NUDT7: variants seen among roughly 807,000 people sequenced by gnomAD.
The protein encoded by NUDT7 is nudix hydrolase 7, also known as peroxisomal coenzyme A diphosphatase NUDT7.
Under a neutral mutation model 13.1 loss-of-function variants are expected in NUDT7, and 19 were observed. The ratio of observed to expected loss-of-function variants is 1.45; its 90% CI spans 1.01 to 2.13. NUDT7 has a LOEUF of 2.13. Ranked by LOEUF, NUDT7 falls within the 30% of genes most tolerant of loss-of-function variation. The pLI is 0.00. For synonymous variants in NUDT7, 132 were observed against 109.7 expected (o/e 1.20, Z -1.27); for missense variants, 360 against 291.7 (o/e 1.23, Z -1.71).
chr16:77,740,833 C>T (rs138613256), intron 3 of NUDT7, among the ~76,000 whole-genome samples: 2 of 152,308 alleles, frequency 1.3e-5, no homozygotes, highest in African/African-American at 4.8e-5. Context: ...CAGGCGTGAG[C>T]CACCACACCC....
chr16:77,724,011 C>T (rs1427960641), intron 1 of NUDT7, among the ~76,000 whole-genome samples: 1 of 152,184 alleles, frequency 6.6e-6, no homozygotes, highest in African/African-American at 2.4e-5. Flanking sequence ...GCTGCCATAA[C>T]AGAGTACCAC....
intron 2 of NUDT7, among the ~76,000 whole-genome samples, chr16:77,730,626 C>T (rs1015715517): frequency 2.6e-5 from 4 of 152,070 alleles, no homozygotes; most frequent in Non-Finnish European, 5.9e-5. Flanking sequence ...GATATATAAC[C>T]AGTAGTGGGA....
At chr16:77,727,305 C>T (rs2014167865) in intron 2 of NUDT7, among the ~76,000 whole-genome samples, 1 of 152,074 alleles carries the variant, frequency 6.6e-6, no homozygotes, top group African/African-American at 2.4e-5. Flanking sequence ...GCCATATTAA[C>T]AGGCTTTTTA....
At chr16:77,724,520 G>T (rs371779058) in intron 1 of NUDT7, among the ~76,000 whole-genome samples, 1 of 151,198 alleles carries the variant, frequency 6.6e-6, no homozygotes, top group Non-Finnish European at 1.5e-5. Flanking sequence ...CAATTCTCCC[G>T]CCTCAACCTC....
chr16:77,739,718 C>T (rs1336199218), intron 3 of NUDT7, among the ~76,000 whole-genome samples: 1 of 152,152 alleles, frequency 6.6e-6, no homozygotes, highest in Non-Finnish European at 1.5e-5. Flanking sequence ...ACGCCTCTGA[C>T]AACACTTGGC....
chr16:77,723,365 A>G (rs556416830), intron 1 of NUDT7, among the ~76,000 whole-genome samples: 2 of 152,040 alleles, frequency 1.3e-5, no homozygotes, highest in Non-Finnish European at 1.5e-5. Context: ...CCGTTACCCA[A>G]CCACATCTGG....
chr16:77,724,578 GCTT>G (rs1266481894), intron 1 of NUDT7, among the ~76,000 whole-genome samples: 8 of 152,154 alleles, frequency 5.3e-5, no homozygotes, highest in African/African-American at 1.9e-4. Context: ...GCTCGTTTCT[GCTT>G]CTTATCAGGA....
chr16:77,737,177 C>T (rs1443709205), intron 3 of NUDT7, among the ~76,000 whole-genome samples: 1 of 152,172 alleles, frequency 6.6e-6, no homozygotes, highest in African/African-American at 2.4e-5. Context: ...GCTCTGTTTG[C>T]TTTTTACTAG....
intron 2 of NUDT7, among the ~76,000 whole-genome samples, chr16:77,728,241 TC>T (rs1277908211): frequency 3.3e-5 from 5 of 152,074 alleles, no homozygotes; most frequent in African/African-American, 4.8e-5. Context: ...AACAAGTTTT[TC>T]TTTTTTTTCA....
intron 1 of NUDT7, 148 bp downstream of exon 1, chr16:77,722,765 A>T (rs1230392469): frequency 1.4e-6 from 1 of 721,152 alleles, no homozygotes; most frequent in Non-Finnish European, 2.4e-6. Flanking sequence ...ACTCGCCTCC[A>T]GCAACCCGCA....
In NUDT7 at chr16:77,725,755, A is replaced by C. The variant is rs7201776; in HGVS notation, c.189+171A>C. On this transcript the variant is annotated intron_variant, in intron 2 of 3. Coordinates refer to ENST00000268533, the MANE Select transcript of NUDT7 (RefSeq NM_001105663.3). ...AGGATAACATGGTGTTTCTTGGAGA[A>C]GGTTTAACAAGAAAATGAAGGAATT... is the stretch of plus-strand genomic sequence containing the variant. 3,770 of 609,506 alleles carry C rather than the reference A, an allele frequency of 6.2e-3. 109 individuals are homozygous for C. In the African/African-American group the frequency reaches 0.062, roughly 10 times the overall value. The allele number at this position is 609,506 out of a possible 1,614,324, so 37.8% of individuals were successfully genotyped here. A position where few individuals can be genotyped will look rare whatever the true frequency, so the allele number is the denominator to read the frequency against.
intron 2 of NUDT7, 66 bp from the exon 3 acceptor site, chr16:77,735,759 ATTT>A: frequency 2.1e-6 from 3 of 1,402,452 alleles, no homozygotes; most frequent in Non-Finnish European, 3.0e-6. Flanking sequence ...TCCAGTAAGT[ATTT>A]GTTGAATGCA....
intron 2 of NUDT7, chr16:77,735,533 T>C (rs750197469): frequency 3.6e-6 from 2 of 553,548 alleles, no homozygotes; most frequent in East Asian, 5.7e-5. Context: ...CTCTTTTCTT[T>C]ATAAACTACC....
intron 2 of NUDT7, among the ~76,000 whole-genome samples, chr16:77,731,691 CA>C (rs1210134403): frequency 4.0e-5 from 6 of 151,670 alleles, no homozygotes; most frequent in Admixed American, 3.9e-4. Flanking sequence ...GGAGATATTC[CA>C]AAAAACACAG....
At position 77,741,574 on chromosome 16, in the gene NUDT7, G is replaced by A. The variant is rs576316152; in HGVS notation, c.349-8G>A. On this transcript the variant is annotated splice_region_variant and splice_polypyrimidine_tract_variant and intron_variant, in intron 3 of 3. Coordinates refer to ENST00000268533, the MANE Select transcript of NUDT7 (RefSeq NM_001105663.3). ...TCTTAATTTGTCTGTTTTGTTTTCT[G>A]CTTTTAGACAGATACATTGATAACT... The A allele has an allele frequency of 3.1e-6, 5 of 1,590,238 alleles. No homozygotes were observed. In the African/African-American group the frequency reaches 5.4e-5, roughly 17 times the overall value.
intron 3 of NUDT7, 52 bp downstream of exon 3, chr16:77,736,038 C>A (rs1303631910): frequency 4.6e-6 from 7 of 1,523,832 alleles, no homozygotes; most frequent in Non-Finnish European, 6.4e-6. Context: ...CCAGGTGGAT[C>A]TACTGTTCTC....
At chr16:77,725,628 A>G (rs1229255448) in intron 2 of NUDT7, 44 bp downstream of exon 2, 2 of 1,577,324 alleles carry the variant, frequency 1.3e-6, no homozygotes, top group South Asian at 2.3e-5. Flanking sequence ...TCAGGACATC[A>G]GAAGACCTCA....
At chr16:77,735,701 C>G in intron 2 of NUDT7, 127 bp from the exon 3 acceptor site, 1 of 867,550 alleles carries the variant, frequency 1.2e-6, no homozygotes, top group Non-Finnish European at 1.8e-6. Context: ...CAATAGGGGT[C>G]TTGATACCAC....
intron 2 of NUDT7, among the ~76,000 whole-genome samples, chr16:77,729,841 A>C (rs560955495): frequency 6.6e-6 from 1 of 151,458 alleles, no homozygotes; most frequent in South Asian, 2.1e-4. Flanking sequence ...TAAATAAATA[A>C]ATAAATTTTA....
Sources: allele counts gnomAD v4.1 joint callset (sites outside exome capture counted in the v4.1 genomes callset), GRCh38; gene constraint gnomAD v4.1.1; transcripts MANE v1.5; gene names NCBI Gene and HGNC (gene_info 2026-07-23, HGNC 2026-07-21).